FRMD4A: variants seen among roughly 807,000 people sequenced by gnomAD.
FRMD4A encodes the protein FERM domain containing 4A, also known as FERM domain-containing protein 4A.
A neutral mutation model predicts 129.1 loss-of-function variants in FRMD4A; 29 were observed. That is an observed-to-expected ratio of 0.22 (90% CI 0.17 to 0.31). FRMD4A has a LOEUF of 0.31. FRMD4A is among the 10% of genes least tolerant of loss of function. The pLI is 1.00. For missense variants in FRMD4A, 1,272 were observed against 1,375.8 expected (o/e 0.92, Z 1.19); for synonymous variants, 634 against 571.6 (o/e 1.11, Z -1.56).
chr10:14,231,952 AT>A (rs1202516809), intron 2 of FRMD4A, among the ~76,000 whole-genome samples: 3 of 152,076 alleles, frequency 2.0e-5, no homozygotes, highest in African/African-American at 7.2e-5. Flanking sequence ...CCACTTGTCA[AT>A]TTTGTTTTCA....
intron 2 of FRMD4A, among the ~76,000 whole-genome samples, chr10:14,231,491 C>T (rs1843637585): frequency 6.6e-6 from 1 of 152,064 alleles, no homozygotes; most frequent in Non-Finnish European, 1.5e-5. Context: ...TACAGGCACT[C>T]ACCACCACGC....
intron 2 of FRMD4A, among the ~76,000 whole-genome samples, chr10:14,047,764 C>A (rs914926927): frequency 1.5e-4 from 23 of 152,098 alleles, no homozygotes; most frequent in African/African-American, 5.3e-4. Flanking sequence ...AGAATGGAAC[C>A]CTTTGGGGTT....
rs758339133 is a variant in FRMD4A at position 13,905,248 on chromosome 10, T to G, written c.46-46336A>C. On this transcript the variant is annotated intron_variant, in intron 2 of 24. Coordinates refer to ENST00000357447, the MANE Select transcript of FRMD4A (RefSeq NM_018027.5). ...TAAAAGCTCTTAATAATAGAGCAGG[T>G]CTAGTTTCTATTAGATCTTGAAATA... is the stretch of plus-strand genomic sequence containing the variant. Among the ~76,000 whole-genome samples the G allele has an allele frequency of 3.7e-4, 56 of 152,220 alleles. 1 individual carries two copies. The highest frequency in any genetic ancestry group is 3.1e-3 in the Admixed American group (47 of 15,280).
chr10:13,647,869 G>T (rs912048718), intron 24 of FRMD4A: 1 of 151,836 alleles, frequency 6.6e-6, no homozygotes, highest in Non-Finnish European at 1.5e-5. Context: ...CGGAAAAACA[G>T]CCTCTCTTCA....
At chr10:13,930,587 C>A (rs1281919305) in intron 2 of FRMD4A, among the ~76,000 whole-genome samples, 2 of 152,132 alleles carry the variant, frequency 1.3e-5, no homozygotes, top group African/African-American at 4.8e-5. Flanking sequence ...ACTGTAAAAC[C>A]CAGTCCCATG....
At chr10:14,218,581 C>A (rs1367152305) in intron 2 of FRMD4A, among the ~76,000 whole-genome samples, 1 of 152,088 alleles carries the variant, frequency 6.6e-6, no homozygotes, top group Non-Finnish European at 1.5e-5. Context: ...TGGCTGGGCA[C>A]GGTGTCTCAC....
intron 2 of FRMD4A, among the ~76,000 whole-genome samples, chr10:14,090,257 C>T (rs997961154): frequency 2.0e-5 from 3 of 152,188 alleles, no homozygotes; most frequent in Non-Finnish European, 4.4e-5. Flanking sequence ...GTGGTATTCA[C>T]AGGGTACACA....
At chr10:14,240,342 C>T (rs1016270523) in intron 2 of FRMD4A, among the ~76,000 whole-genome samples, 3 of 152,116 alleles carry the variant, frequency 2.0e-5, no homozygotes, top group Non-Finnish European at 2.9e-5. Flanking sequence ...CCGGTGTGTG[C>T]GTGACATTTC....
intron 2 of FRMD4A, among the ~76,000 whole-genome samples, chr10:14,279,707 TAAC>T (rs1845455750): frequency 1.3e-5 from 2 of 152,184 alleles, no homozygotes. Context: ...ATGTTGACAA[TAAC>T]AACGTGTCCT....
chr10:14,321,028 C>T (rs554747422), intron 2 of FRMD4A, among the ~76,000 whole-genome samples: 1 of 152,336 alleles, frequency 6.6e-6, no homozygotes, highest in South Asian at 2.1e-4. Context: ...ATAGGGCACT[C>T]ATAGTTCTTC....
chr10:14,205,305 A>G (rs1842750323), intron 2 of FRMD4A, among the ~76,000 whole-genome samples: 1 of 152,114 alleles, frequency 6.6e-6, no homozygotes, highest in Admixed American at 6.6e-5. Flanking sequence ...GAATTGGCCA[A>G]CACAGATGCA....
intron 2 of FRMD4A, among the ~76,000 whole-genome samples, chr10:13,979,228 G>A (rs2095552409): frequency 6.6e-6 from 1 of 152,174 alleles, no homozygotes; most frequent in Admixed American, 6.5e-5. Flanking sequence ...TTTGTTTAGG[G>A]GTTACATGCA....
rs553103968 is a variant in FRMD4A at position 13,661,917 on chromosome 10, T to TC, written c.1661-1365dup. Among the ~76,000 whole-genome samples the TC allele has an allele frequency of 5.2e-4, 79 of 152,060 alleles. 1 individual carries two copies. In the South Asian group the frequency reaches 7.3e-3, roughly 14 times the overall value. On this transcript the variant is annotated intron_variant, in intron 19 of 24. Coordinates refer to ENST00000357447, the MANE Select transcript of FRMD4A (RefSeq NM_018027.5). ...CCGTGGACACCCACTATGCACCCAC[T>TC]CCTCCTTTGCCCTCAAATCAGTAAA...
intron 2 of FRMD4A, among the ~76,000 whole-genome samples, chr10:13,974,882 GC>G (rs1379550118): frequency 2.6e-5 from 4 of 152,232 alleles, no homozygotes; most frequent in African/African-American, 7.2e-5. Context: ...TCCCCACGTG[GC>G]CTCTGAGAGG....
At chr10:13,953,741 C>T (rs2095389991) in intron 2 of FRMD4A, among the ~76,000 whole-genome samples, 1 of 152,166 alleles carries the variant, frequency 6.6e-6, no homozygotes, top group Non-Finnish European at 1.5e-5. Flanking sequence ...TGGTTAATCT[C>T]TTACTATGCC....
chr10:13,903,060 C>A (rs779722837), intron 2 of FRMD4A, among the ~76,000 whole-genome samples: 1 of 152,116 alleles, frequency 6.6e-6, no homozygotes, highest in Admixed American at 6.5e-5. Flanking sequence ...GTTGTCTTTA[C>A]GCTTGTGCTA....
At chr10:14,309,644 G>A (rs1846470847) in intron 2 of FRMD4A, among the ~76,000 whole-genome samples, 1 of 152,110 alleles carries the variant, frequency 6.6e-6, no homozygotes, top group African/African-American at 2.4e-5. Flanking sequence ...TCACTGAGCA[G>A]CATTCGAACC....
chr10:13,782,642 C>T (rs1158261494), intron 6 of FRMD4A, among the ~76,000 whole-genome samples: 4 of 152,050 alleles, frequency 2.6e-5, no homozygotes, highest in Non-Finnish European at 4.4e-5. Flanking sequence ...CAGGGTTTCA[C>T]CACGTTGGCC....
At position 14,092,563 on chromosome 10, in the gene FRMD4A, G is replaced by A. The variant is rs192150877; in HGVS notation, c.46-233651C>T. Among the ~76,000 whole-genome samples, 518 of 152,314 alleles carry A rather than the reference G, an allele frequency of 3.4e-3. 4 individuals carry two copies. The highest frequency in any genetic ancestry group is 0.012 in the African/African-American group (487 of 41,576). On this transcript the variant is annotated intron_variant, in intron 2 of 24. Coordinates refer to ENST00000357447, the MANE Select transcript of FRMD4A (RefSeq NM_018027.5). ...CCACTGTGTCTTCAGTGCCCAGCTC[G>A]GAGTCTAGCACATAGTAACCTTCCA... is the stretch of plus-strand genomic sequence containing the variant.
Sources: allele counts gnomAD v4.1 joint callset (sites outside exome capture counted in the v4.1 genomes callset), GRCh38; gene constraint gnomAD v4.1.1; transcripts MANE v1.5; gene names NCBI Gene and HGNC (gene_info 2026-07-23, HGNC 2026-07-21).